The following TBCD variants were observed in gnomAD, a reference collection of about 807,000 sequenced individuals.
TBCD encodes tubulin folding cofactor D, also known as tubulin-specific chaperone D.
TBCD carries 105 observed loss-of-function variants against 169.3 expected under a neutral mutation model. The ratio of observed to expected loss-of-function variants is 0.62; its 90% CI spans 0.53 to 0.73. The LOEUF (loss-of-function observed/expected upper bound fraction) is 0.73. Among genes scored for constraint, TBCD ranks in the 30% least tolerant of loss-of-function variants. The pLI is 0.00. For synonymous variants in TBCD, 700 were observed against 643.9 expected, an observed-to-expected ratio of 1.09 and a Z score of -1.32; for missense variants, 1,444 against 1,600.1, an observed-to-expected ratio of 0.90 and a Z score of 1.66.
chr17:82,883,061 C>CTTCT (rs36064364), intron 14 of TBCD, among the ~76,000 whole-genome samples: 2 of 152,236 alleles, frequency 1.3e-5, no homozygotes, highest in Non-Finnish European at 2.9e-5. Context: ...TCACATTTAG[C>CTTCT]TTAACAGCAG....
intron 13 of TBCD, chr17:82,829,399 A>G (rs988553090): frequency 6.6e-6 from 1 of 151,434 alleles, no homozygotes; most frequent in African/African-American, 2.4e-5. Flanking sequence ...CACAGCTATC[A>G]GCTCTTTTTC....
At chr17:82,817,661 C>T (rs1056615057) in intron 13 of TBCD, among the ~76,000 whole-genome samples, 21 of 152,050 alleles carry the variant, frequency 1.4e-4, no homozygotes, top group South Asian at 4.1e-4. Flanking sequence ...GGCCCAGGCT[C>T]GTCTTGAACT....
intron 8 of TBCD, among the ~76,000 whole-genome samples, chr17:82,799,800 G>A (rs947952884): frequency 5.3e-5 from 8 of 152,214 alleles, no homozygotes; most frequent in Non-Finnish European, 1.0e-4. Context: ...TTGGGCTGTC[G>A]TGCTTGTCAC....
In TBCD at chr17:82,799,441, C is replaced by CAAAA. The variant is rs61017445; in HGVS notation, c.818-1404_818-1401dup. 4.0e-4 allele frequency among the ~76,000 whole-genome samples: 29 copies of CAAAA among 72,558 alleles called. 1 individual carries two copies. Among genetic ancestry groups the CAAAA allele is most frequent in the African/African-American group, 7.9e-4 (15 of 19,042 alleles). 47.6% of individuals were successfully genotyped at this position (72,558 alleles called of 152,430 possible). A position where few individuals can be genotyped will look rare whatever the true frequency, so the allele number is the denominator to read the frequency against. Reference sequence around the variant, plus strand: ...CTGGCGACAGAGCAAGACTCTGTCTCAAAAAAAAAAAAAAAAAAAAAAGAA... The same window carrying CAAAA: ...CTGGCGACAGAGCAAGACTCTGTCTCAAAAAAAAAAAAAAAAAAAAAAAAAAGAA... On this transcript the variant is annotated intron_variant, in intron 8 of 38. Transcript: ENST00000355528.
At chr17:82,822,287 G>C (rs139064795) in intron 13 of TBCD, among the ~76,000 whole-genome samples, 1 of 152,218 alleles carries the variant, frequency 6.6e-6, no homozygotes, top group Admixed American at 6.5e-5. Context: ...ACAAGGAAAC[G>C]AAGGGAGCAA....
chr17:82,768,283 G>A lies in TBCD; in HGVS notation c.436-137G>A, dbSNP rs958854783. ...GAGTTGGTGAACGGCTTGCATTTCTGGCCCTGAGGGTGATGGCATTTGAAT... is the reference window on the plus strand; with the variant it reads ...GAGTTGGTGAACGGCTTGCATTTCTAGCCCTGAGGGTGATGGCATTTGAAT... On this transcript the variant is annotated intron_variant, in intron 4 of 38. Transcript: ENST00000355528. 24 of 1,031,440 alleles carry A rather than the reference G, an allele frequency of 2.3e-5. No homozygotes were observed. In the African/African-American group the frequency reaches 3.5e-4, roughly 15 times the overall value. 63.9% of individuals were successfully genotyped at this position (1,031,440 alleles called of 1,614,324 possible).
intron 12 of TBCD, among the ~76,000 whole-genome samples, chr17:82,813,344 T>G (rs2051600655): frequency 6.6e-6 from 1 of 152,034 alleles, no homozygotes; most frequent in South Asian, 2.1e-4. Context: ...TTGTCTTCCC[T>G]CCTCTGAGAC....
intron 13 of TBCD, among the ~76,000 whole-genome samples, chr17:82,840,954 GT>G (rs1295995328): frequency 6.8e-5 from 3 of 44,278 alleles, no homozygotes; most frequent in Non-Finnish European, 9.2e-5. Flanking sequence ...AGACAAACTG[GT>G]TTTTTTTTTT....
chr17:82,900,540 T>G lies in TBCD; in HGVS notation c.1650-111T>G, dbSNP rs917534685. ...GGAATGGCTGGATCACGTGGTAGAT[T>G]TGAAGAAATGGGCAAACTGGTTTTG... On this transcript the variant is annotated intron_variant, in intron 17 of 38. Coordinates refer to ENST00000355528, the MANE Select transcript of TBCD (RefSeq NM_005993.5). The G allele has an allele frequency of 1.6e-5, 13 of 823,228 alleles. No homozygotes were observed. The African/African-American group carries it at 1.7e-4, about 11-fold the overall frequency. 51.0% of individuals were successfully genotyped at this position (823,228 alleles called of 1,614,324 possible).
intron 23 of TBCD, among the ~76,000 whole-genome samples, chr17:82,917,484 G>T (rs1205673027): frequency 6.6e-6 from 1 of 152,126 alleles, no homozygotes; most frequent in South Asian, 2.1e-4. Context: ...TGGAGCCTCT[G>T]TGGCTGTTTC....
intron 23 of TBCD, chr17:82,913,814 C>T (rs2060833877): frequency 6.6e-6 from 1 of 152,310 alleles, no homozygotes; most frequent in Non-Finnish European, 1.5e-5. Flanking sequence ...GGCCGCAGGG[C>T]ACCGTTGGCC....
intron 13 of TBCD, chr17:82,860,422 G>A: frequency 1.0e-6 from 1 of 985,526 alleles, no homozygotes; most frequent in Non-Finnish European, 1.2e-6. Context: ...GACAGCGAGG[G>A]GGACAGACAC....
At chr17:82,772,899 C>T (rs1437311604) in intron 6 of TBCD, among the ~76,000 whole-genome samples, 1 of 152,070 alleles carries the variant, frequency 6.6e-6, no homozygotes, top group Non-Finnish European at 1.5e-5. Context: ...GGATGAAAAT[C>T]CCCCAACGTC....
At chr17:82,872,275 A>G (rs867936307) in intron 14 of TBCD, among the ~76,000 whole-genome samples, 1 of 152,172 alleles carries the variant, frequency 6.6e-6, no homozygotes, top group African/African-American at 2.4e-5. Flanking sequence ...GGTGCTGGCC[A>G]ACGTGTTATG....
At chr17:82,906,104 C>T (rs1387264623) in intron 20 of TBCD, 51 bp downstream of exon 20, 10 of 1,393,426 alleles carry the variant, frequency 7.2e-6, no homozygotes, top group Middle Eastern at 1.8e-4. Flanking sequence ...CTGATCCCCT[C>T]ACCATGTAAT....
intron 7 of TBCD, among the ~76,000 whole-genome samples, chr17:82,792,896 G>A (rs2049849293): frequency 6.6e-6 from 1 of 152,038 alleles, no homozygotes; most frequent in South Asian, 2.1e-4. Flanking sequence ...CTGAGTAGCT[G>A]GGATTACAGG....
intron 26 of TBCD, 84 bp from the exon 27 acceptor site, chr17:82,924,855 G>C: frequency 1.8e-6 from 2 of 1,120,910 alleles, no homozygotes; most frequent in South Asian, 2.9e-5. Context: ...CTGTGGCTTT[G>C]CTCCTGTTTG....
intron 15 of TBCD, among the ~76,000 whole-genome samples, chr17:82,887,981 G>A (rs1214201576): frequency 1.4e-4 from 21 of 152,188 alleles, no homozygotes. Flanking sequence ...TACATATGTA[G>A]GATTCTGGTC....
chr17:82,778,143 C>G (rs1356793548), intron 6 of TBCD, among the ~76,000 whole-genome samples: 1 of 152,144 alleles, frequency 6.6e-6, no homozygotes, highest in Non-Finnish European at 1.5e-5. Context: ...TAATTGCTAC[C>G]AACTAATGAT....
Sources: gnomAD v4.1 joint callset for allele counts (sites outside exome capture counted in the v4.1 genomes callset) on GRCh38, gnomAD v4.1.1 for gene constraint, MANE v1.5 for transcripts, NCBI Gene and HGNC (gene_info 2026-07-23, HGNC 2026-07-21) for gene names.